ANKRD36: variants seen among roughly 807,000 people sequenced by gnomAD.
ANKRD36 encodes ankyrin repeat domain-containing protein 36A.
ANKRD36 carries 179 observed loss-of-function variants against 278.1 expected under a neutral mutation model. The observed-to-expected ratio is 0.64, with a 90% CI of 0.57 to 0.73. ANKRD36 has a LOEUF of 0.73. Ranked by LOEUF, ANKRD36 falls within the 30% of genes least tolerant of loss-of-function variation. The pLI, the probability that ANKRD36 is intolerant of heterozygous loss-of-function variation, is 0.00. For synonymous variants in ANKRD36, 320 were observed against 641.1 expected, an observed-to-expected ratio of 0.50 and a Z score of 7.57; for missense variants, 1,159 against 1,956.7, an observed-to-expected ratio of 0.59 and a Z score of 7.69.
In ANKRD36 at chr2:97,206,221, C is replaced by G. The variant is rs933190839; in HGVS notation, c.3163+86C>G. On this transcript the variant is annotated intron_variant, in intron 52 of 75. Transcript: ENST00000420699. ...CCAAGTAAATCAGCGGGGGGCTCAT[C>G]GAAGCTGCACTTTCTGATTCAGCAG... 3.7e-6 allele frequency: 5 copies of G among 1,333,854 alleles called. No homozygotes were observed. In the African/African-American group the frequency reaches 5.9e-5, roughly 16 times the overall value. 82.6% of individuals were successfully genotyped at this position (1,333,854 alleles called of 1,614,324 possible).
At chr2:97,191,295 C>A in intron 36 of ANKRD36, 114 bp downstream of exon 36, 1 of 1,222,364 alleles carries the variant, frequency 8.2e-7, no homozygotes, top group Non-Finnish European at 1.1e-6. Context: ...ATTCAGCTGT[C>A]CTGAGATTCT....
In ANKRD36 at chr2:97,212,499, A is replaced by T. The variant is rs200849725; in HGVS notation, c.3469+758A>T. On this transcript the variant is annotated intron_variant, in intron 58 of 75. Transcript: ENST00000420699. ...ATGAATACATTGGCTTCAAAGTTCA[A>T]GGAGCTAAGTCTTGGATAAAATAGC... Among the ~76,000 whole-genome samples the T allele has an allele frequency of 9.3e-4, 142 of 152,010 alleles. No individual in the cohort carries two copies. In the East Asian group the frequency reaches 0.012, roughly 13 times the overall value.
intron 34 of ANKRD36, 30 bp from the exon 35 acceptor site, chr2:97,190,948 A>T: frequency 6.2e-7 from 1 of 1,601,086 alleles, no homozygotes; most frequent in Non-Finnish European, 8.5e-7. Flanking sequence ...TTTATATATG[A>T]GTGATTATGT....
At chr2:97,181,656 T>A in intron 25 of ANKRD36, 30 bp downstream of exon 25, 2 of 1,604,088 alleles carry the variant, frequency 1.2e-6, no homozygotes, top group Non-Finnish European at 1.7e-6. Flanking sequence ...TATGTTGAAC[T>A]ATTAACTGTA....
chr2:97,177,939 G>T (rs984260078), intron 22 of ANKRD36, among the ~76,000 whole-genome samples: 2 of 149,210 alleles, frequency 1.3e-5, no homozygotes, highest in Admixed American at 1.3e-4. Context: ...CTGACAAAGG[G>T]CTAATATCCA....
intron 6 of ANKRD36, among the ~76,000 whole-genome samples, chr2:97,131,749 G>A (rs2443909): frequency 0.6 from 90,913 of 151,546 alleles, 31,171 homozygotes; most frequent in Non-Finnish European, 0.79. Context: ...ATAGTACAGT[G>A]TTATAGCCAA....
At chr2:97,231,899 A>G (rs529018455) in intron 67 of ANKRD36, among the ~76,000 whole-genome samples, 1 of 152,230 alleles carries the variant, frequency 6.6e-6, no homozygotes, top group African/African-American at 2.4e-5. Flanking sequence ...TACACTGTTC[A>G]TATAGTGATA....
chr2:97,194,656 A>G lies in ANKRD36; in HGVS notation c.2450-70A>G. On this transcript the variant is annotated intron_variant, in intron 38 of 75. Coordinates refer to ENST00000420699, the MANE Select transcript of ANKRD36 (RefSeq NM_001354587.1). ...CAGGAGGACAGAGGTTGATGCTAAC[A>G]CTGTGTGAATGTATGGATAACTTTA... 4.4e-6 allele frequency: 7 copies of G among 1,588,656 alleles called. No individual in the cohort carries two copies. In the South Asian group the frequency reaches 7.9e-5, roughly 18 times the overall value.
intron 6 of ANKRD36, among the ~76,000 whole-genome samples, chr2:97,138,101 C>G (rs2041987574): frequency 6.6e-6 from 1 of 151,808 alleles, no homozygotes; most frequent in East Asian, 1.9e-4. Context: ...CCAGGGTAAT[C>G]AGGCAAGAGA....
intron 66 of ANKRD36, among the ~76,000 whole-genome samples, chr2:97,220,774 A>ATTTTTT (rs2067344191): frequency 6.5e-5 from 3 of 46,382 alleles, no homozygotes; most frequent in African/African-American, 4.5e-4. Context: ...TTTTTTTTTT[A>ATTTTTT]ATTTTTTTTT....
At chr2:97,232,096 A>G (rs2072342177) in intron 67 of ANKRD36, among the ~76,000 whole-genome samples, 1 of 151,960 alleles carries the variant, frequency 6.6e-6, no homozygotes, top group African/African-American at 2.4e-5. Context: ...CTTAGTTACA[A>G]TCCAGTGATT....
intron 66 of ANKRD36, among the ~76,000 whole-genome samples, chr2:97,222,949 A>T (rs2068174655): frequency 6.6e-6 from 1 of 152,102 alleles, no homozygotes; most frequent in Non-Finnish European, 1.5e-5. Flanking sequence ...AGAAACAAAA[A>T]GTTATAGCAT....
At chr2:97,260,851 G>C (rs1422759037) in intron 75 of ANKRD36, among the ~76,000 whole-genome samples, 57 of 109,024 alleles carry the variant, frequency 5.2e-4, no homozygotes, top group Non-Finnish European at 8.0e-4. Flanking sequence ...AGCACTGGCT[G>C]CTTTACCTTG....
intron 37 of ANKRD36, 35 bp from the exon 38 acceptor site, chr2:97,192,946 T>G (rs529163799): frequency 6.3e-7 from 1 of 1,588,090 alleles, no homozygotes; most frequent in Non-Finnish European, 8.6e-7. Context: ...AAACATACTT[T>G]ATTAATTTAT....
chr2:97,220,775 A>ATTTTTTTTTTTTTTTT (rs58512786), intron 66 of ANKRD36, among the ~76,000 whole-genome samples: 8 of 62,704 alleles, frequency 1.3e-4, no homozygotes, highest in African/African-American at 2.7e-4. Context: ...TTTTTTTTTA[A>ATTTTTTTTTTTTTTTT]TTTTTTTTTT....
chr2:97,208,752 G>A lies in ANKRD36; in HGVS notation c.3265+746G>A, dbSNP rs960178413. Among the ~76,000 whole-genome samples the A allele has an allele frequency of 3.4e-5, 5 of 146,490 alleles. 1 individual carries two copies. Among genetic ancestry groups the A allele is most frequent in the African/African-American group, 1.3e-4 (5 of 37,592 alleles). ...TGAATGTGAATAAATTTGCTTCCTTGTTCAAGGAGCTACCTCGTGGATAAA... is the reference window on the plus strand; with the variant it reads ...TGAATGTGAATAAATTTGCTTCCTTATTCAAGGAGCTACCTCGTGGATAAA... On this transcript the variant is annotated intron_variant, in intron 54 of 75. Coordinates refer to ENST00000420699, the MANE Select transcript of ANKRD36 (RefSeq NM_001354587.1).
At chr2:97,192,405 T>G (rs898131340) in intron 36 of ANKRD36, among the ~76,000 whole-genome samples, 27 of 151,718 alleles carry the variant, frequency 1.8e-4, no homozygotes, top group African/African-American at 6.0e-4. Context: ...ATTGTGTGCT[T>G]TCTCAGTTAT....
Position 97,187,194 on chromosome 2 carries a change from T to C in ANKRD36, c.2042-4T>C, listed in dbSNP as rs765029701. ...AGTGATTATGTATCCCTTTTGCTTT[T>C]CAGTGTCTTCTCAGAAACAACCAGC... On this transcript the variant is annotated splice_region_variant and splice_polypyrimidine_tract_variant and intron_variant, in intron 30 of 75. Coordinates refer to ENST00000420699, the MANE Select transcript of ANKRD36 (RefSeq NM_001354587.1). 6.2e-7 allele frequency: 1 copy of C among 1,609,664 alleles called. No individual in the cohort carries two copies. The highest frequency in any genetic ancestry group is 8.5e-7 in the Non-Finnish European group (1 of 1,178,680).
intron 22 of ANKRD36, among the ~76,000 whole-genome samples, chr2:97,177,528 T>A (rs2054659222): frequency 6.6e-6 from 1 of 151,896 alleles, no homozygotes; most frequent in Admixed American, 6.6e-5. Context: ...ATGCTGCATA[T>A]CTACAGCTAC....
Sources: allele counts gnomAD v4.1 joint callset (sites outside exome capture counted in the v4.1 genomes callset), GRCh38; gene constraint gnomAD v4.1.1; transcripts MANE v1.5; gene names NCBI Gene and HGNC (gene_info 2026-07-23, HGNC 2026-07-21).